Variants in FRAS1 observed in about 807,000 individuals in gnomAD.
The protein encoded by FRAS1 is extracellular matrix organizing protein FRAS1.
In FRAS1, 290 loss-of-function variants were observed where a neutral mutation model predicts 435.2. That is an observed-to-expected ratio of 0.67 (90% CI 0.61 to 0.73). FRAS1 has a LOEUF of 0.73. Among genes scored for constraint, FRAS1 ranks in the 30% least tolerant of loss-of-function variants. The probability of loss-of-function intolerance (pLI) is 0.00; values close to 1 mark genes in which losing one functional copy is unlikely to be tolerated. For synonymous variants in FRAS1, 1,800 were observed against 1,851.0 expected (o/e 0.97, Z 0.71); for missense variants, 4,860 against 5,001.5 (o/e 0.97, Z 0.85).
intron 59 of FRAS1, among the ~76,000 whole-genome samples, chr4:78,490,445 T>C (rs1051813166): frequency 2.6e-5 from 4 of 152,118 alleles, no homozygotes; most frequent in African/African-American, 9.7e-5. Flanking sequence ...ACAGAAATCA[T>C]AACAAACAGT....
At chr4:78,273,321 A>T (rs1451595795) in intron 9 of FRAS1, among the ~76,000 whole-genome samples, 3 of 152,166 alleles carry the variant, frequency 2.0e-5, no homozygotes, top group Non-Finnish European at 4.4e-5. Context: ...CTCCTGCATG[A>T]TTGCCCTGGT....
chr4:78,223,462 T>C (rs968673818), intron 2 of FRAS1, among the ~76,000 whole-genome samples: 2 of 152,202 alleles, frequency 1.3e-5, no homozygotes, highest in Non-Finnish European at 2.9e-5. Flanking sequence ...CAATGATTAG[T>C]TTACCATTTA....
intron 3 of FRAS1, among the ~76,000 whole-genome samples, chr4:78,238,735 A>C (rs1724869773): frequency 6.6e-6 from 1 of 152,144 alleles, no homozygotes; most frequent in Non-Finnish European, 1.5e-5. Context: ...AGCTGGTGGC[A>C]AAAACGCCAT....
chr4:78,521,315 C>T (rs1721378328), intron 67 of FRAS1, among the ~76,000 whole-genome samples: 1 of 150,930 alleles, frequency 6.6e-6, no homozygotes, highest in South Asian at 2.1e-4. Context: ...AACAGTGGAA[C>T]CATTACAAAA....
chr4:78,491,876 G>C (rs995926303), intron 59 of FRAS1, among the ~76,000 whole-genome samples: 2 of 152,212 alleles, frequency 1.3e-5, no homozygotes, highest in South Asian at 2.1e-4. Flanking sequence ...TCTGTTTGCA[G>C]ATGACATAAT....
intron 18 of FRAS1, among the ~76,000 whole-genome samples, chr4:78,321,183 G>A (rs1419634352): frequency 1.3e-5 from 2 of 152,204 alleles, no homozygotes; most frequent in Non-Finnish European, 2.9e-5. Flanking sequence ...TGTGAGAAGT[G>A]CCTTACTAGT....
intron 14 of FRAS1, among the ~76,000 whole-genome samples, chr4:78,295,035 C>G (rs149958191): frequency 4.9e-4 from 74 of 152,058 alleles, no homozygotes; most frequent in African/African-American, 1.7e-3. Context: ...AAATCATACT[C>G]TATTTACAGT....
At chr4:78,347,660 C>A (rs1408982271) in intron 20 of FRAS1, among the ~76,000 whole-genome samples, 3 of 152,142 alleles carry the variant, frequency 2.0e-5, no homozygotes. Flanking sequence ...CTGCAAACAT[C>A]AAATAAGCAC....
At chr4:78,416,040 G>T (rs1245681902) in intron 32 of FRAS1, among the ~76,000 whole-genome samples, 2 of 152,170 alleles carry the variant, frequency 1.3e-5, no homozygotes, top group Non-Finnish European at 1.5e-5. Flanking sequence ...ATGTCTATCA[G>T]CAGAGAAATG....
chr4:78,536,455 C>T (rs1290782337), intron 71 of FRAS1, among the ~76,000 whole-genome samples: 2 of 152,092 alleles, frequency 1.3e-5, no homozygotes, highest in Admixed American at 6.6e-5. Flanking sequence ...GGTTTGAGAG[C>T]ATAGTACCTT....
chr4:78,520,960 C>T (rs1171788254), intron 67 of FRAS1, among the ~76,000 whole-genome samples: 2 of 152,174 alleles, frequency 1.3e-5, no homozygotes, highest in African/African-American at 4.8e-5. Flanking sequence ...TGTTTCTAAT[C>T]CTTACGTTAC....
intron 4 of FRAS1, among the ~76,000 whole-genome samples, chr4:78,251,358 G>A (rs1252837948): frequency 6.6e-6 from 1 of 152,248 alleles, no homozygotes; most frequent in Non-Finnish European, 1.5e-5. Flanking sequence ...AGAAATGGGA[G>A]AAGTTTGAGC....
intron 73 of FRAS1, among the ~76,000 whole-genome samples, chr4:78,540,313 A>G (rs1041331786): frequency 4.6e-5 from 7 of 152,264 alleles, no homozygotes; most frequent in Admixed American, 4.6e-4. Flanking sequence ...GAAACAAAAA[A>G]GAATCCGAAT....
intron 2 of FRAS1, among the ~76,000 whole-genome samples, chr4:78,133,323 A>G (rs1719767510): frequency 6.6e-6 from 1 of 151,790 alleles, no homozygotes; most frequent in Non-Finnish European, 1.5e-5. Flanking sequence ...TCAAATCAAA[A>G]CAATTGAACT....
chr4:78,389,000 CT>C (rs1207778641), intron 29 of FRAS1, among the ~76,000 whole-genome samples: 4 of 152,132 alleles, frequency 2.6e-5, no homozygotes, highest in Non-Finnish European at 4.4e-5. Context: ...TAGAATTATA[CT>C]TTTTTTCTAA....
At chr4:78,182,897 A>AAAG (rs1553927524) in intron 2 of FRAS1, among the ~76,000 whole-genome samples, 10 of 23,036 alleles carry the variant, frequency 4.3e-4, no homozygotes, top group African/African-American at 9.8e-4. Context: ...AGAAAAAAAG[A>AAAG]AAAAAAAAAA....
intron 14 of FRAS1, among the ~76,000 whole-genome samples, chr4:78,291,889 G>A (rs1352874152): frequency 6.6e-6 from 1 of 152,200 alleles, no homozygotes; most frequent in Non-Finnish European, 1.5e-5. Flanking sequence ...AGGATTATAA[G>A]GGATAGGATT....
At chr4:78,381,547 C>G (rs905257391) in intron 27 of FRAS1, among the ~76,000 whole-genome samples, 1 of 152,188 alleles carries the variant, frequency 6.6e-6, no homozygotes, top group Non-Finnish European at 1.5e-5. Context: ...GCCTTGGCCT[C>G]CCAAAGTGCT....
chr4:78,507,643 G>A (rs753485209), intron 62 of FRAS1, 35 bp downstream of exon 62: 19 of 1,549,286 alleles, frequency 1.2e-5, no homozygotes, highest in African/African-American at 1.4e-5. Flanking sequence ...GCTGTTTTAC[G>A]TCTCAGTGAC....
Sources: allele counts gnomAD v4.1 joint callset (sites outside exome capture counted in the v4.1 genomes callset), GRCh38; gene constraint gnomAD v4.1.1; transcripts MANE v1.5; gene names NCBI Gene and HGNC (gene_info 2026-07-23, HGNC 2026-07-21).